Variants in SLC3A1 observed in about 807,000 individuals in gnomAD.
SLC3A1 encodes the protein solute carrier family 3 member 1, also known as amino acid transporter heavy chain SLC3A1.
A neutral mutation model predicts 60.3 loss-of-function variants in SLC3A1; 78 were observed. The ratio of observed to expected loss-of-function variants is 1.29; its 90% confidence interval spans 1.08 to 1.56. SLC3A1 has a LOEUF of 1.56. Ranked by LOEUF, SLC3A1 falls within the 40% of genes most tolerant of loss-of-function variation. The probability of loss-of-function intolerance (pLI) is 0.00; values close to 1 mark genes in which losing one functional copy is unlikely to be tolerated. For synonymous variants in SLC3A1, 392 were observed against 307.9 expected (o/e 1.27, Z -2.86); for missense variants, 1,172 against 858.9 (o/e 1.36, Z -4.56).
At position 44,314,090 on chromosome 2, in the gene SLC3A1, ATTTGTAAGGAG is replaced by A. The variant is rs976185156; in HGVS notation, c.1617+147_1617+157del. ...ATCACAGACTTCCTTGCAGTTTTCCATTTGTAAGGAGTTTGTAAATCATGCCTTTGTGAAAA... is the reference window on the plus strand; with the variant it reads ...ATCACAGACTTCCTTGCAGTTTTCCATTTGTAAATCATGCCTTTGTGAAAA... On this transcript the variant is annotated intron_variant, in intron 9 of 9. Coordinates refer to ENST00000260649, the MANE Select transcript of SLC3A1 (RefSeq NM_000341.4). 137 of 1,542,754 alleles carry A rather than the reference ATTTGTAAGGAG, an allele frequency of 8.9e-5. 1 individual carries two copies. The South Asian group carries it at 1.1e-3, about 12-fold the overall frequency.
At chr2:44,310,693 T>C (rs1322408101) in intron 7 of SLC3A1, among the ~76,000 whole-genome samples, 1 of 134,624 alleles carries the variant, frequency 7.4e-6, no homozygotes, top group East Asian at 2.0e-4. Flanking sequence ...TTGTTGGCTA[T>C]TTTTTTTTTA....
chr2:44,302,854 T>C (rs1279499634), intron 6 of SLC3A1, among the ~76,000 whole-genome samples: 2 of 152,204 alleles, frequency 1.3e-5, no homozygotes, highest in Non-Finnish European at 2.9e-5. Context: ...GTCAGGATGT[T>C]ACTGAATTTT....
chr2:44,297,324 G>C (rs1399951524), intron 4 of SLC3A1, among the ~76,000 whole-genome samples: 1 of 152,158 alleles, frequency 6.6e-6, no homozygotes, highest in Non-Finnish European at 1.5e-5. Context: ...GAGGCAGGTA[G>C]CTGAGGCTCA....
intron 7 of SLC3A1, among the ~76,000 whole-genome samples, chr2:44,309,361 T>C (rs1266097459): frequency 1.3e-5 from 2 of 152,240 alleles, no homozygotes; most frequent in African/African-American, 4.8e-5. Context: ...GTTTTCAACT[T>C]TCCTTCATAC....
intron 2 of SLC3A1, among the ~76,000 whole-genome samples, 181 bp downstream of exon 2, chr2:44,281,076 G>C (rs1572790221): frequency 8.6e-6 from 1 of 116,450 alleles, no homozygotes; most frequent in African/African-American, 3.5e-5. Flanking sequence ...CTTCCCTTCT[G>C]TTTCCTTTTT....
chr2:44,301,597 G>T (rs766146886), intron 6 of SLC3A1, among the ~76,000 whole-genome samples: 5 of 151,898 alleles, frequency 3.3e-5, no homozygotes, highest in Non-Finnish European at 2.9e-5. Context: ...AAATTAGCTG[G>T]GTGTGGTGGT....
At chr2:44,285,942 C>T in intron 3 of SLC3A1, 90 bp from the exon 4 acceptor site, 2 of 1,507,550 alleles carry the variant, frequency 1.3e-6, no homozygotes, top group South Asian at 1.1e-5. Context: ...TTTACATACT[C>T]TGCCTGCAAA....
chr2:44,309,657 T>C (rs925411001), intron 7 of SLC3A1, among the ~76,000 whole-genome samples: 2 of 152,202 alleles, frequency 1.3e-5, no homozygotes, highest in Non-Finnish European at 2.9e-5. Flanking sequence ...TAGAGTGCAG[T>C]GGTATGATCT....
chr2:44,310,046 A>G (rs1013647198), intron 7 of SLC3A1, among the ~76,000 whole-genome samples: 2 of 152,082 alleles, frequency 1.3e-5, no homozygotes, highest in Non-Finnish European at 2.9e-5. Context: ...GGTGCATACC[A>G]CCATACCTGG....
At chr2:44,287,707 T>C (rs927201117) in intron 4 of SLC3A1, among the ~76,000 whole-genome samples, 1 of 152,176 alleles carries the variant, frequency 6.6e-6, no homozygotes, top group Non-Finnish European at 1.5e-5. Flanking sequence ...TTCTTGTTCT[T>C]GTTCTTGCTG....
Position 44,277,103 on chromosome 2 carries a change from CT to C in SLC3A1, c.430+1159del, listed in dbSNP as rs1222833364. Among the ~76,000 whole-genome samples, 401 of 94,830 alleles carry C rather than the reference CT, an allele frequency of 4.2e-3. 2 individuals are homozygous for C. Among genetic ancestry groups the C allele is most frequent in the African/African-American group, 0.013 (354 of 26,718 alleles). 62.2% of individuals were successfully genotyped at this position (94,830 alleles called of 152,430 possible). On this transcript the variant is annotated intron_variant, in intron 1 of 9. Transcript: ENST00000260649. ...TCACGCTCCTATCATTCTCTCTCTT[CT>C]TTTTTTTTTTTTTTTTTTTTGTGAT...
At chr2:44,318,160 G>C (rs1039103585) in intron 9 of SLC3A1, 1 of 432,460 alleles carries the variant, frequency 2.3e-6, no homozygotes, top group African/African-American at 2.1e-5. Flanking sequence ...GCGTGATCTC[G>C]GCACACTGCA....
intron 2 of SLC3A1, 29 bp from the exon 3 acceptor site, chr2:44,281,358 T>C: frequency 6.3e-7 from 1 of 1,587,258 alleles, no homozygotes; most frequent in Non-Finnish European, 8.6e-7. Context: ...AATCTTTCCC[T>C]AGCATTTGAA....
rs1226545155 is a variant in SLC3A1 at position 44,313,492 on chromosome 2, C to T, written c.1501-343C>T. Among the ~76,000 whole-genome samples the T allele has an allele frequency of 2.6e-5, 4 of 152,168 alleles. 1 individual carries two copies. The South Asian group carries it at 8.3e-4, about 32-fold the overall frequency. On this transcript the variant is annotated intron_variant, in intron 8 of 9. Transcript: ENST00000260649. ...TTGTACATGGCAGTGTTCTTAAATT[C>T]ACCAACACTGTACCATAGTAGAAGT...
intron 9 of SLC3A1, chr2:44,318,401 G>T: frequency 5.7e-6 from 1 of 175,756 alleles, no homozygotes; most frequent in Non-Finnish European, 1.2e-5. Context: ...TGCAAAATTT[G>T]TTTTTAATAG....
chr2:44,280,851 C>G lies in SLC3A1; in HGVS notation c.566C>G (p.Thr189Arg), dbSNP rs140317484. Residue 189 changes from threonine (T) to arginine (R), a missense_variant, in exon 2 of 10, where the codon ACG (threonine) becomes AGG (arginine). Thr to Arg is a moderately conservative substitution (Grantham distance 71, BLOSUM62 -1). Transcript: ENST00000260649. ...CGGGAAGTTGATCCCATTTTTGGAA[C>G]GATGGAAGATTTTGAGAATCTGGTT... Reference protein sequence around the residue: ...DFREVDPIFGTMEDFENLVAA... With the variant: ...DFREVDPIFGRMEDFENLVAA... 6.2e-7 allele frequency: 1 copy of G among 1,613,922 alleles called. No individual in the cohort carries two copies. The highest frequency in any genetic ancestry group is 8.5e-7 in the Non-Finnish European group (1 of 1,179,950).
chr2:44,304,430 T>G (rs1299673915), intron 7 of SLC3A1, 92 bp downstream of exon 7: 1 of 968,286 alleles, frequency 1.0e-6, no homozygotes, highest in East Asian at 2.5e-5. Flanking sequence ...TGTCTCTAAG[T>G]GACCATCACC....
chr2:44,281,931 A>T lies in SLC3A1; in HGVS notation c.765+390A>T, dbSNP rs1026358016. Among the ~76,000 whole-genome samples, 4 of 151,860 alleles carry T rather than the reference A, an allele frequency of 2.6e-5. No individual in the cohort carries two copies. The East Asian group carries it at 7.7e-4, about 29-fold the overall frequency. On this transcript the variant is annotated intron_variant, in intron 3 of 9. Coordinates refer to ENST00000260649, the MANE Select transcript of SLC3A1 (RefSeq NM_000341.4). ...CTCTTGTCTCCCAGGCTGGAGTGCAATAGCACAATCTCAGCTCACTGCAAA... is the reference window on the plus strand; with the variant it reads ...CTCTTGTCTCCCAGGCTGGAGTGCATTAGCACAATCTCAGCTCACTGCAAA...
intron 7 of SLC3A1, among the ~76,000 whole-genome samples, chr2:44,307,005 T>C (rs750765984): frequency 3.3e-5 from 5 of 152,156 alleles, no homozygotes; most frequent in Non-Finnish European, 5.9e-5. Flanking sequence ...GCATGGCCCC[T>C]CCCTCTCTGT....
Sources: allele counts gnomAD v4.1 joint callset (sites outside exome capture counted in the v4.1 genomes callset), GRCh38; gene constraint gnomAD v4.1.1; transcripts MANE v1.5; gene names NCBI Gene and HGNC (gene_info 2026-07-23, HGNC 2026-07-21).